The following FGF13 variants were observed in gnomAD, a reference collection of about 807,000 sequenced individuals.
The protein encoded by FGF13 is fibroblast growth factor 13, also known as fibroblast growth factor homologous factor 2.
In FGF13, 2 loss-of-function variants were observed where a neutral mutation model predicts 19.5. That is an observed-to-expected ratio of 0.10 (90% CI 0.04 to 0.32). The LOEUF is 0.32. FGF13 is among the 10% of genes least tolerant of loss of function. FGF13 has a pLI of 1.00. For synonymous variants in FGF13, 72 were observed against 76.9 expected (o/e 0.94, Z 0.33); for missense variants, 113 against 192.7 (o/e 0.59, Z 2.45).
intron 3 of FGF13, among the ~76,000 whole-genome samples, chrX:138,656,494 C>G (rs2124141744): frequency 9.0e-6 from 1 of 111,354 alleles, no homozygotes; most frequent in South Asian, 3.8e-4. Flanking sequence ...CTCCTCAAAG[C>G]TGATAGCAAC....
chrX:138,974,552 C>T (rs1452746796), intron 1 of FGF13, among the ~76,000 whole-genome samples: 1 of 112,210 alleles, frequency 8.9e-6, no homozygotes, highest in Non-Finnish European at 1.9e-5. Flanking sequence ...TTTCAACAGC[C>T]TTTTCACTGA....
chrX:138,941,677 CA>C (rs1203630571), intron 1 of FGF13, among the ~76,000 whole-genome samples: 1 of 112,101 alleles, frequency 8.9e-6, no homozygotes, highest in Non-Finnish European at 1.9e-5. Flanking sequence ...CAGTCTTACA[CA>C]GAAAGAAAGT....
At chrX:139,188,695 G>A (rs34427921) in intron 1 of FGF13, among the ~76,000 whole-genome samples, 22,859 of 111,085 alleles carry the variant, frequency 0.21, 1,784 homozygotes, top group African/African-American at 0.27. Context: ...AAAAAGAGTT[G>A]AAAACAAAAA....
At chrX:138,671,116 C>G (rs1366607953) in intron 3 of FGF13, among the ~76,000 whole-genome samples, 2 of 110,983 alleles carry the variant, frequency 1.8e-5, no homozygotes, top group African/African-American at 3.3e-5. Flanking sequence ...AAATTGATTA[C>G]ATAACTCTTA....
chrX:139,065,475 G>A (rs1347477013), intron 1 of FGF13, among the ~76,000 whole-genome samples: 7 of 81,185 alleles, frequency 8.6e-5, no homozygotes, highest in Admixed American at 2.8e-4. Flanking sequence ...CCAAGCAAAC[G>A]GAAAGCAAAA....
intron 1 of FGF13, among the ~76,000 whole-genome samples, chrX:138,737,743 T>G (rs1185895320): frequency 3.6e-5 from 4 of 111,589 alleles, no homozygotes; most frequent in Non-Finnish European, 7.5e-5. Context: ...CTCAAATACT[T>G]TACAAGCAGA....
At chrX:138,729,397 A>G (rs1404025065) in intron 1 of FGF13, among the ~76,000 whole-genome samples, 1 of 111,275 alleles carries the variant, frequency 9.0e-6, no homozygotes, top group Non-Finnish European at 1.9e-5. Flanking sequence ...TTTAAGAGCT[A>G]ATCAGTTGAC....
chrX:138,787,017 A>G (rs1187108791), intron 3 of FGF13, among the ~76,000 whole-genome samples: 1 of 112,522 alleles, frequency 8.9e-6, no homozygotes, highest in Non-Finnish European at 1.9e-5. Context: ...AGAAATCTTA[A>G]GCTCCTGGAC....
At chrX:138,634,233 C>T (rs964918671) in intron 4 of FGF13, among the ~76,000 whole-genome samples, 2 of 111,463 alleles carry the variant, frequency 1.8e-5, no homozygotes, top group Non-Finnish European at 3.8e-5. Context: ...CTCACTCTGC[C>T]GCCCAGGCTG....
intron 3 of FGF13, among the ~76,000 whole-genome samples, chrX:138,824,474 G>C (rs903421695): frequency 1.8e-5 from 2 of 111,718 alleles, no homozygotes; most frequent in East Asian, 5.6e-4. Flanking sequence ...AGAGCAAATA[G>C]GGAGAATTAT....
intron 1 of FGF13, among the ~76,000 whole-genome samples, chrX:139,160,465 G>C (rs1379341487): frequency 5.4e-5 from 6 of 111,121 alleles, no homozygotes; most frequent in African/African-American, 2.0e-4. Flanking sequence ...TCAAAAGCTA[G>C]CAGAGGGCAA....
intron 1 of FGF13, among the ~76,000 whole-genome samples, chrX:138,907,051 C>A (rs1169548206): frequency 1.8e-5 from 2 of 111,731 alleles, no homozygotes; most frequent in Non-Finnish European, 3.8e-5. Context: ...CTCTCCATCC[C>A]ATTTATTTCC....
intron 1 of FGF13, among the ~76,000 whole-genome samples, chrX:139,061,404 T>C (rs761829738): frequency 6.3e-5 from 7 of 111,245 alleles, no homozygotes; most frequent in Admixed American, 2.9e-4. Flanking sequence ...CTGACTCTTA[T>C]GGCACTACAT....
intron 1 of FGF13, among the ~76,000 whole-genome samples, chrX:139,190,381 G>GAAAA (rs34311876): frequency 2.8e-5 from 3 of 105,473 alleles, no homozygotes; most frequent in African/African-American, 1.0e-4. Context: ...CTTGATAAAA[G>GAAAA]AAAAAAAAAA....
chrX:138,654,521 G>A (rs932998175), intron 3 of FGF13, among the ~76,000 whole-genome samples: 4 of 111,368 alleles, frequency 3.6e-5, no homozygotes, highest in Non-Finnish European at 7.5e-5. Flanking sequence ...TGGGCGGATC[G>A]CTTGAGGTCA....
chrX:138,969,116 T>C (rs2091905688), intron 1 of FGF13, among the ~76,000 whole-genome samples: 1 of 111,996 alleles, frequency 8.9e-6, no homozygotes, highest in Admixed American at 9.5e-5. Context: ...GTTTGGGCTT[T>C]ATTCTGCACA....
intron 1 of FGF13, among the ~76,000 whole-genome samples, chrX:139,124,041 G>A (rs1282583631): frequency 2.7e-5 from 3 of 112,100 alleles, no homozygotes; most frequent in Non-Finnish European, 5.6e-5. Context: ...TCTTCCCAGG[G>A]AACGGGGAAC....
chrX:138,936,209 C>T (rs964820473), intron 1 of FGF13, among the ~76,000 whole-genome samples: 13 of 112,406 alleles, frequency 1.2e-4, no homozygotes, highest in Admixed American at 1.0e-3. Context: ...TGTTCTACTG[C>T]TTCTTCCTAA....
chrX:138,663,545 C>A (rs1181720878), intron 3 of FGF13, among the ~76,000 whole-genome samples: 1 of 111,492 alleles, frequency 9.0e-6, no homozygotes, highest in Non-Finnish European at 1.9e-5. Flanking sequence ...TAAACTCATA[C>A]CTTGTGTTCA....
Sources: gnomAD v4.1 joint callset for allele counts (sites outside exome capture counted in the v4.1 genomes callset) on GRCh38, gnomAD v4.1.1 for gene constraint, MANE v1.5 for transcripts, NCBI Gene and HGNC (gene_info 2026-07-23, HGNC 2026-07-21) for gene names.